The following PXK variants were observed in gnomAD, a reference collection of about 807,000 sequenced individuals.
The protein encoded by PXK is PX domain containing serine/threonine kinase like.
In PXK, 35 loss-of-function variants were observed where a neutral mutation model predicts 84.7. The ratio of observed to expected loss-of-function variants is 0.41; its 90% CI spans 0.32 to 0.55. The LOEUF (loss-of-function observed/expected upper bound fraction) is 0.55. Among genes scored for constraint, PXK ranks in the 20% least tolerant of loss-of-function variants. The pLI is 0.21. For missense variants in PXK, 634 were observed against 699.7 expected (o/e 0.91, Z 1.06); for synonymous variants, 253 against 260.8 (o/e 0.97, Z 0.29).
chr3:58,392,942 G>A (rs760659745), intron 7 of PXK, among the ~76,000 whole-genome samples: 4 of 152,010 alleles, frequency 2.6e-5, no homozygotes, highest in Admixed American at 6.6e-5. Flanking sequence ...TGACAGGTGT[G>A]AGCCACCGCA....
chr3:58,338,827 C>T (rs544426837), intron 1 of PXK, among the ~76,000 whole-genome samples: 83 of 151,748 alleles, frequency 5.5e-4, no homozygotes, highest in African/African-American at 1.7e-3. Flanking sequence ...GGATTACAGA[C>T]GCCCACCACC....
rs763686902 is a variant in PXK at position 58,398,581 on chromosome 3, A to G, written c.1103-718A>G. 6.6e-6 allele frequency among the ~76,000 whole-genome samples: 1 copy of G among 152,076 alleles called. No homozygotes were observed. Among genetic ancestry groups the G allele is most frequent in the Non-Finnish European group, 1.5e-5 (1 of 67,990 alleles). On this transcript the variant is annotated intron_variant, in intron 11 of 17. Transcript: ENST00000356151. This position sits in a 1 kb window ranked among gnomAD's most constrained non-coding sequence, Gnocchi z 4.5. ...TGAGGGGAGCTGGAGGACAAGTGAG[A>G]GCACCTTTAGGAAGGAGGGATGCAG...
chr3:58,402,830 G>T (rs1245027347), intron 12 of PXK, among the ~76,000 whole-genome samples: 1 of 147,620 alleles, frequency 6.8e-6, no homozygotes, highest in Non-Finnish European at 1.5e-5. Context: ...ACTTTTAGGT[G>T]TGGGGGTACA....
intron 1 of PXK, among the ~76,000 whole-genome samples, chr3:58,347,834 T>A (rs1307142367): frequency 6.6e-6 from 1 of 152,244 alleles, no homozygotes; most frequent in African/African-American, 2.4e-5. Flanking sequence ...TTGAATTGCA[T>A]TAGTTATTAT....
In PXK at chr3:58,401,159, C is replaced by A. The variant is rs1026521969; in HGVS notation, c.1181+1782C>A. On this transcript the variant is annotated intron_variant, in intron 12 of 17. Transcript: ENST00000356151. This position sits in a 1 kb window ranked among gnomAD's most constrained non-coding sequence, Gnocchi z 4.4. ...AGTCTTTCTACGATGTGGGCTTCAGCTATGAGAAGAGCTCCTGGACAGGCG... is the reference window on the plus strand; with the variant it reads ...AGTCTTTCTACGATGTGGGCTTCAGATATGAGAAGAGCTCCTGGACAGGCG... 6.6e-6 allele frequency among the ~76,000 whole-genome samples: 1 copy of A among 152,142 alleles called. No individual in the cohort carries two copies. Among genetic ancestry groups the A allele is most frequent in the Non-Finnish European group, 1.5e-5 (1 of 68,042 alleles).
intron 7 of PXK, among the ~76,000 whole-genome samples, chr3:58,394,326 A>C (rs959683660): frequency 2.6e-5 from 4 of 151,924 alleles, no homozygotes; most frequent in African/African-American, 9.7e-5. Flanking sequence ...CTTTCCTTTC[A>C]CTCATTAAAT....
intron 17 of PXK, chr3:58,422,701 A>G (rs1391157585): frequency 1.0e-6 from 1 of 985,376 alleles, no homozygotes; most frequent in South Asian, 4.7e-5. Flanking sequence ...CTGTGAGGCC[A>G]AGCAGTTTTG....
chr3:58,410,677 C>T (rs538219456), intron 16 of PXK, among the ~76,000 whole-genome samples: 1 of 152,338 alleles, frequency 6.6e-6, no homozygotes, highest in East Asian at 1.9e-4. Flanking sequence ...CTGCCCTTCA[C>T]CCAGCTCTGC....
chr3:58,393,173 C>T (rs1002578866), intron 7 of PXK, among the ~76,000 whole-genome samples: 1 of 151,730 alleles, frequency 6.6e-6, no homozygotes, highest in African/African-American at 2.4e-5. Context: ...ATGGTGAAAC[C>T]CTGTCTCTAC....
rs923484099 is a variant in PXK, at chr3:58,414,834, T to C, written c.1528+1871T>C. 9.8e-5 allele frequency among the ~76,000 whole-genome samples: 15 copies of C among 152,330 alleles called. No homozygotes were observed. The highest frequency in any genetic ancestry group is 3.6e-4 in the African/African-American group (15 of 41,560). ...TGCATCTCATGAAAATGGTAACTAA[T>C]ATTTAGCATTTGCCTGGCAACCTAG... On this transcript the variant is annotated intron_variant, in intron 17 of 17. Transcript: ENST00000356151. This position sits in a 1 kb window ranked among gnomAD's most constrained non-coding sequence, Gnocchi z 4.5.
rs1325462801 is a variant in PXK, at chr3:58,407,199, C to T, written c.1231-1725C>T. ...CAGCAGTGTACAAGGGCTTCAGTTT[C>T]TCCACATTCTCACCAACATTTATTT... On this transcript the variant is annotated intron_variant, in intron 13 of 17. Transcript: ENST00000356151. This position sits in a 1 kb window ranked among gnomAD's most constrained non-coding sequence, Gnocchi z 4.3. Among the ~76,000 whole-genome samples, 1 of 152,212 alleles carries T rather than the reference C, an allele frequency of 6.6e-6. No individual in the cohort carries two copies. The highest frequency in any genetic ancestry group is 1.5e-5 in the Non-Finnish European group (1 of 68,038).
chr3:58,386,332 G>C (rs2098551413), intron 4 of PXK, among the ~76,000 whole-genome samples: 1 of 104,910 alleles, frequency 9.5e-6, no homozygotes, highest in Non-Finnish European at 1.7e-5. Flanking sequence ...ATCTCACTCT[G>C]TTGGCCAGGC....
intron 17 of PXK, among the ~76,000 whole-genome samples, chr3:58,417,536 C>T (rs2107713169): frequency 6.6e-6 from 1 of 152,196 alleles, no homozygotes; most frequent in East Asian, 1.9e-4. Context: ...GGAGAAATAT[C>T]CTTTCTTTAA....
chr3:58,397,129 G>A lies in PXK; in HGVS notation c.913G>A (p.Asp305Asn), dbSNP rs759619302. 18 of 1,614,024 alleles carry A rather than the reference G, an allele frequency of 1.1e-5. No individual in the cohort carries two copies. Residue 305 changes from aspartate to asparagine, a missense_variant, in exon 10 of 18, where the codon GAC (aspartate) becomes AAC (asparagine). Physicochemically the swap from Asp to Asn is conservative, Grantham distance 23 (BLOSUM62 1). Around this residue, in one of 3 missense-constraint regions of PXK, gnomAD observed 353 missense variants for 385.2 expected, o/e 0.92. Coordinates refer to ENST00000356151, the MANE Select transcript of PXK (RefSeq NM_017771.5). This position sits in a 1 kb window ranked among gnomAD's most constrained non-coding sequence, Gnocchi z 4.7. ...MLDGDTCRLL[D>N]LENSLLGLPS... Reference sequence around the variant, plus strand: ...CGATGGGGACACTTGCCGGCTGCTGGACCTTGAGAATTCCTTATTGGGCCT... The same window carrying A: ...CGATGGGGACACTTGCCGGCTGCTGAACCTTGAGAATTCCTTATTGGGCCT...
intron 3 of PXK, among the ~76,000 whole-genome samples, chr3:58,373,083 CTT>C (rs71091374): frequency 5.0e-5 from 7 of 139,228 alleles, no homozygotes; most frequent in African/African-American, 1.0e-4. Flanking sequence ...TCCGTCATTT[CTT>C]TTTTTTTTTT....
In PXK at chr3:58,425,963, GTA is replaced by G. The variant is rs1415270010; in HGVS notation, c.*1006_*1007del. 1 of 152,188 alleles carries G rather than the reference GTA, an allele frequency of 6.6e-6. No individual in the cohort carries two copies. Among genetic ancestry groups the G allele is most frequent in the Non-Finnish European group, 1.5e-5 (1 of 68,024 alleles). 9.4% of individuals were successfully genotyped at this position (152,188 alleles called of 1,614,324 possible). On this transcript the variant is annotated 3_prime_UTR_variant, in exon 18 of 18. Transcript: ENST00000356151. ...GTTACTATGCAGAGAATGTCATTGT[GTA>G]TAGTTTCATGTAATCTGTTATGTCA...
chr3:58,391,362 A>AT, intron 6 of PXK, 142 bp downstream of exon 6: 2 of 666,654 alleles, frequency 3.0e-6, no homozygotes, highest in Non-Finnish European at 2.5e-6. Context: ...AAGAAAAGTC[A>AT]TTTTGAGTCA....
rs186460916 is a variant in PXK at position 58,383,748 on chromosome 3, T to C, written c.388+1048T>C. On this transcript the variant is annotated intron_variant, in intron 4 of 17. Transcript: ENST00000356151. This position sits in a 1 kb window ranked among gnomAD's most constrained non-coding sequence, Gnocchi z 4.0. The stretch of plus-strand genomic sequence containing the variant: ...GTAGAAACCATTGTTTCACCTGATT[T>C]GTTTAAAGAGAAACCATGCTTTAGA... Among the ~76,000 whole-genome samples, 93 of 152,348 alleles carry C rather than the reference T, an allele frequency of 6.1e-4. No individual in the cohort carries two copies. Among genetic ancestry groups the C allele is most frequent in the African/African-American group, 2.0e-3 (85 of 41,584 alleles).
rs1202084188 is a variant in PXK, at chr3:58,409,633, TCTCTGCAGTCC to T, written c.1395+20_1395+30del. The stretch of plus-strand genomic sequence containing the variant: ...TAGCTCGAAAGGTAAGCCTGCTGTC[TCTCTGCAGTCC>T]CTCTATGAGTTCTTGAGTACATGTG... On this transcript the variant is annotated intron_variant, in intron 15 of 17. Transcript: ENST00000356151. The surrounding 1 kb of genome is among the most constrained non-coding windows in gnomAD (Gnocchi z 4.2). The T allele has an allele frequency of 6.3e-7, 1 of 1,593,820 alleles. No individual in the cohort carries two copies. Among genetic ancestry groups the T allele is most frequent in the Non-Finnish European group, 8.6e-7 (1 of 1,165,584 alleles).
Sources: allele counts gnomAD v4.1 joint callset (sites outside exome capture counted in the v4.1 genomes callset), GRCh38; gene constraint gnomAD v4.1.1; regional missense constraint gnomAD v4.1.1; non-coding constraint Gnocchi (gnomAD v3.1); transcripts MANE v1.5; gene names NCBI Gene and HGNC (gene_info 2026-07-23, HGNC 2026-07-21).